Variants in KCNU1 observed in about 807,000 individuals in gnomAD.
The protein encoded by KCNU1 is potassium channel subfamily U member 1.
KCNU1 carries 93 observed loss-of-function variants against 126.8 expected under a neutral mutation model. That is an observed-to-expected ratio of 0.73 (90% confidence interval 0.62 to 0.87). The LOEUF is 0.87. KCNU1 is among the 40% of genes least tolerant of loss of function. The pLI is 0.00. For synonymous variants in KCNU1, 523 were observed against 494.2 expected, an observed-to-expected ratio of 1.06 and a Z score of -0.77; for missense variants, 1,330 against 1,367.1, an observed-to-expected ratio of 0.97 and a Z score of 0.43.
intron 10 of KCNU1, among the ~76,000 whole-genome samples, chr8:36,832,984 A>G (rs780872784): frequency 1.3e-5 from 2 of 152,058 alleles, no homozygotes; most frequent in East Asian, 3.9e-4. Flanking sequence ...TGTTTTGGTT[A>G]ACTTCTAAGT....
At chr8:36,870,253 A>C (rs1395295858) in intron 19 of KCNU1, among the ~76,000 whole-genome samples, 2 of 152,172 alleles carry the variant, frequency 1.3e-5, no homozygotes, top group African/African-American at 4.8e-5. Context: ...AAGATGTAAG[A>C]GGTTCAATCC....
intron 14 of KCNU1, among the ~76,000 whole-genome samples, chr8:36,837,793 T>C (rs1462133974): frequency 6.6e-6 from 1 of 152,218 alleles, no homozygotes; most frequent in African/African-American, 2.4e-5. Flanking sequence ...CTGGACCTGG[T>C]CTTCCTTTTC....
chr8:36,885,588 T>C (rs978419224), intron 19 of KCNU1, among the ~76,000 whole-genome samples: 5 of 151,526 alleles, frequency 3.3e-5, no homozygotes, highest in African/African-American at 1.2e-4. Context: ...AAGTCAGGAG[T>C]TCGAGACCAG....
chr8:36,812,889 A>G (rs1050871090), intron 7 of KCNU1, among the ~76,000 whole-genome samples: 1 of 152,204 alleles, frequency 6.6e-6, no homozygotes, highest in Non-Finnish European at 1.5e-5. Context: ...AAAAAATTAT[A>G]AAGGATATCT....
intron 7 of KCNU1, among the ~76,000 whole-genome samples, chr8:36,812,211 C>T (rs1207199669): frequency 6.6e-6 from 1 of 151,932 alleles, no homozygotes; most frequent in Non-Finnish European, 1.5e-5. Context: ...GAAAACCTGT[C>T]TCTACTAAAA....
At chr8:36,909,628 C>T (rs1807787011) in intron 21 of KCNU1, 93 bp downstream of exon 21, 2 of 739,822 alleles carry the variant, frequency 2.7e-6, no homozygotes, top group African/African-American at 3.6e-5. Context: ...TTCTACAGTC[C>T]TTGCCAGATG....
At chr8:36,895,182 G>A (rs1807136887) in intron 19 of KCNU1, among the ~76,000 whole-genome samples, 1 of 151,758 alleles carries the variant, frequency 6.6e-6, no homozygotes, top group African/African-American at 2.4e-5. Flanking sequence ...CAGTTCAAGT[G>A]AGTCTTCTGC....
At chr8:36,817,563 G>A (rs1288574291) in intron 9 of KCNU1, 87 bp from the exon 10 acceptor site, 3 of 564,858 alleles carry the variant, frequency 5.3e-6, no homozygotes, top group East Asian at 3.3e-5. Flanking sequence ...TGGAAACTAA[G>A]TTTAAGCCAA....
intron 10 of KCNU1, among the ~76,000 whole-genome samples, chr8:36,825,217 A>G (rs897049172): frequency 7.9e-5 from 12 of 152,084 alleles, no homozygotes; most frequent in African/African-American, 2.9e-4. Context: ...GTTTTAATTA[A>G]CATTTTCCTC....
intron 24 of KCNU1, 23 bp downstream of exon 24, chr8:36,922,652 G>GCC (rs754147137): frequency 6.2e-7 from 1 of 1,608,224 alleles, no homozygotes; most frequent in East Asian, 2.2e-5. Flanking sequence ...AAGCCATGGA[G>GCC]CCCCCAAAAC....
rs975619576 is a variant in KCNU1 at position 36,886,981 on chromosome 8, T to G, written c.2010-18727T>G. Among the ~76,000 whole-genome samples, 12 of 150,796 alleles carry G rather than the reference T, an allele frequency of 8.0e-5. No homozygotes were observed. The East Asian group carries it at 9.7e-4, about 12-fold the overall frequency. ...AGTTGTGACAAAATACATTATTTTG[T>G]TTTTTTTATGGCTGTGTAGTATTCC... is the stretch of plus-strand genomic sequence containing the variant. On this transcript the variant is annotated intron_variant, in intron 19 of 26. Transcript: ENST00000399881.
At chr8:36,864,542 T>G in intron 19 of KCNU1, 21 bp downstream of exon 19, 1 of 1,389,736 alleles carries the variant, frequency 7.2e-7, no homozygotes, top group Non-Finnish European at 1.0e-6. Context: ...CAGAGAACCC[T>G]GGTCTCCTAT....
chr8:36,855,817 T>C (rs1240368815), intron 18 of KCNU1, among the ~76,000 whole-genome samples: 1 of 152,202 alleles, frequency 6.6e-6, no homozygotes, highest in African/African-American at 2.4e-5. Context: ...TTCCTGGGTA[T>C]AAAATTCTTG....
At chr8:36,885,099 A>G (rs1480180103) in intron 19 of KCNU1, among the ~76,000 whole-genome samples, 2 of 152,200 alleles carry the variant, frequency 1.3e-5, no homozygotes, top group African/African-American at 4.8e-5. Flanking sequence ...AAATTACTAG[A>G]GGCTGAGTGT....
chr8:36,851,400 T>C (rs1198281122), intron 18 of KCNU1, among the ~76,000 whole-genome samples: 1 of 151,932 alleles, frequency 6.6e-6, no homozygotes. Context: ...TCTCTCTCTC[T>C]CTCTCTCTCT....
intron 18 of KCNU1, among the ~76,000 whole-genome samples, chr8:36,856,271 C>A (rs1400564914): frequency 6.6e-6 from 1 of 152,158 alleles, no homozygotes; most frequent in African/African-American, 2.4e-5. Context: ...GACTCTTGCA[C>A]AGAAAGTTTC....
At chr8:36,841,959 T>C (rs1399675100) in intron 16 of KCNU1, among the ~76,000 whole-genome samples, 1 of 150,750 alleles carries the variant, frequency 6.6e-6, no homozygotes, top group Non-Finnish European at 1.5e-5. Context: ...GATACTATAA[T>C]ATAGAGAAAA....
intron 19 of KCNU1, among the ~76,000 whole-genome samples, chr8:36,871,927 A>G (rs1051331727): frequency 1.3e-5 from 2 of 152,182 alleles, no homozygotes; most frequent in Non-Finnish European, 2.9e-5. Context: ...TATATAAAAG[A>G]CCAACTCTAT....
chr8:36,832,572 A>G (rs962509171), intron 10 of KCNU1, among the ~76,000 whole-genome samples: 15 of 151,996 alleles, frequency 9.9e-5, no homozygotes, highest in Non-Finnish European at 1.8e-4. Flanking sequence ...GACTATATGT[A>G]TTGTATCTTC....
Sources: allele counts gnomAD v4.1 joint callset (sites outside exome capture counted in the v4.1 genomes callset), GRCh38; gene constraint gnomAD v4.1.1; transcripts MANE v1.5; gene names NCBI Gene and HGNC (gene_info 2026-07-23, HGNC 2026-07-21).